Variants in TMCO5A observed in about 807,000 individuals in gnomAD.
The protein encoded by TMCO5A is transmembrane and coiled-coil domain-containing protein 5A.
Under a neutral mutation model 42.3 loss-of-function variants are expected in TMCO5A, and 34 were observed. That is an observed-to-expected ratio of 0.80 (90% confidence interval 0.61 to 1.07). TMCO5A has a LOEUF of 1.07. TMCO5A is among the 50% of genes least tolerant of loss of function. The probability of loss-of-function intolerance (pLI) is 0.00; values close to 1 mark genes in which losing one functional copy is unlikely to be tolerated. For synonymous variants in TMCO5A, 131 were observed against 115.6 expected (o/e 1.13, Z -0.86); for missense variants, 357 against 327.9 (o/e 1.09, Z -0.69).
Position 37,942,185 on chromosome 15 carries a change from T to C in TMCO5A, c.505-6T>C. 1 of 1,612,294 alleles carries C rather than the reference T, an allele frequency of 6.2e-7. No individual in the cohort carries two copies. The highest frequency in any genetic ancestry group is 8.5e-7 in the Non-Finnish European group (1 of 1,179,038). ...TAACTGTGGCTTTCTTTGTTTCTCT[T>C]TGAAGAAGTACCAGGAAACGTTGAA... is the stretch of plus-strand genomic sequence containing the variant. On this transcript the variant is annotated splice_region_variant and splice_polypyrimidine_tract_variant and intron_variant, in intron 8 of 11. Coordinates refer to ENST00000319669, the MANE Select transcript of TMCO5A (RefSeq NM_152453.4).
intron 11 of TMCO5A, among the ~76,000 whole-genome samples, chr15:37,960,860 C>A (rs1463607306): frequency 2.0e-5 from 3 of 152,088 alleles, no homozygotes; most frequent in Non-Finnish European, 4.4e-5. Flanking sequence ...TGCCCTTAGG[C>A]TAATTTTTAA....
chr15:37,997,855 A>T, the TMCO5A span, among the ~76,000 whole-genome samples: 1 of 152,160 alleles, frequency 6.6e-6, no homozygotes, highest in Admixed American at 6.5e-5. Flanking sequence ...TTTTTTCTCC[A>T]TATAATCGCC....
intron 11 of TMCO5A, among the ~76,000 whole-genome samples, chr15:37,957,874 T>C (rs991357323): frequency 1.2e-4 from 19 of 152,282 alleles, no homozygotes; most frequent in African/African-American, 4.3e-4. Flanking sequence ...AACAGCATGG[T>C]ACTGGTACCA....
At chr15:37,963,598 G>C (rs1312264923) in intron 11 of TMCO5A, among the ~76,000 whole-genome samples, 1 of 152,064 alleles carries the variant, frequency 6.6e-6, no homozygotes, top group Non-Finnish European at 1.5e-5. Context: ...TAAATCCATC[G>C]TTTCTTTGTT....
chr15:38,036,653 C>T, the TMCO5A span, among the ~76,000 whole-genome samples: 1 of 152,138 alleles, frequency 6.6e-6, no homozygotes, highest in Admixed American at 6.5e-5. Context: ...CGCCACCACT[C>T]CCTCATACAT....
chr15:37,952,781 C>T (rs1415662071), downstream of TMCO5A, among the ~76,000 whole-genome samples: 1 of 152,208 alleles, frequency 6.6e-6, no homozygotes, highest in African/African-American at 2.4e-5. Flanking sequence ...CAGGACTTGG[C>T]TCTTGGAATA....
intron 6 of TMCO5A, 83 bp downstream of exon 6, chr15:37,938,312 T>A: frequency 2.5e-6 from 3 of 1,200,506 alleles, no homozygotes; most frequent in Non-Finnish European, 3.6e-6. Context: ...ATGTCAACGT[T>A]GTGACAAATT....
the TMCO5A span, among the ~76,000 whole-genome samples, chr15:38,032,926 C>CTT: frequency 1.0e-3 from 101 of 100,152 alleles, 2 homozygotes; most frequent in African/African-American, 2.7e-3. Flanking sequence ...AATTTGGTCT[C>CTT]TTTTTTTTTT....
At chr15:37,953,690 G>A (rs1014618457), downstream of TMCO5A, among the ~76,000 whole-genome samples, 11 of 151,860 alleles carry the variant, frequency 7.2e-5, no homozygotes, top group Admixed American at 7.2e-4. Flanking sequence ...AAAACATCCA[G>A]GAAAACATGA....
At chr15:37,971,803 T>C (rs184853946), downstream of TMCO5A, among the ~76,000 whole-genome samples, 1 of 152,334 alleles carries the variant, frequency 6.6e-6, no homozygotes, top group East Asian at 1.9e-4. Context: ...TTTGCTCCAC[T>C]TCCCAACAAG....
chr15:37,944,328 A>G (rs1443240596), intron 10 of TMCO5A: 3 of 152,084 alleles, frequency 2.0e-5, no homozygotes, highest in Admixed American at 2.0e-4. Flanking sequence ...AGTTTTTGAC[A>G]TCTCCAATGT....
At chr15:37,962,821 T>A (rs1202989231) in intron 11 of TMCO5A, among the ~76,000 whole-genome samples, 1 of 152,148 alleles carries the variant, frequency 6.6e-6, no homozygotes, top group Admixed American at 6.6e-5. Context: ...TTATCGTTTA[T>A]ATGTGTAAAG....
chr15:38,029,633 T>A, the TMCO5A span, among the ~76,000 whole-genome samples: 5 of 152,158 alleles, frequency 3.3e-5, no homozygotes, highest in Admixed American at 6.5e-5. Context: ...CTAATTTTTT[T>A]AAATTTTGTA....
At chr15:37,953,472 G>A (rs915382977), downstream of TMCO5A, among the ~76,000 whole-genome samples, 2 of 152,100 alleles carry the variant, frequency 1.3e-5, no homozygotes, top group African/African-American at 4.8e-5. Flanking sequence ...CCATCAAGGT[G>A]GTACCTCTAC....
the TMCO5A span, among the ~76,000 whole-genome samples, chr15:38,014,854 T>C: frequency 4.5e-4 from 2 of 4,494 alleles, no homozygotes; most frequent in Non-Finnish European, 8.4e-4. Context: ...GGAGAAAGAT[T>C]ATATATATAT....
At chr15:37,966,872 G>A (rs1052786231) in exon 12 of TMCO5A, 5 of 581,690 alleles carry the variant, frequency 8.6e-6, no homozygotes, top group African/African-American at 3.7e-5. Flanking sequence ...AGGATTAAGA[G>A]CAGTCAAAGA....
At chr15:37,991,119 G>T in the TMCO5A span, among the ~76,000 whole-genome samples, 1 of 152,076 alleles carries the variant, frequency 6.6e-6, no homozygotes, top group African/African-American at 2.4e-5. Flanking sequence ...AAAACAAAAA[G>T]TAGAGTTACA....
chr15:38,018,647 G>A, the TMCO5A span, among the ~76,000 whole-genome samples: 1 of 150,424 alleles, frequency 6.6e-6, no homozygotes, highest in Non-Finnish European at 1.5e-5. Context: ...AGGAGATGAA[G>A]AACGAAAAAA....
At chr15:37,977,591 T>C in the TMCO5A span, among the ~76,000 whole-genome samples, 1 of 152,208 alleles carries the variant, frequency 6.6e-6, no homozygotes, top group Admixed American at 6.5e-5. Flanking sequence ...TTCCTTGTGT[T>C]TGCAGCCATG....
Sources: gnomAD v4.1 joint callset for allele counts (sites outside exome capture counted in the v4.1 genomes callset) on GRCh38, gnomAD v4.1.1 for gene constraint, MANE v1.5 for transcripts, NCBI Gene and HGNC (gene_info 2026-07-23, HGNC 2026-07-21) for gene names.